The following MRPL13 variants were observed in gnomAD, a reference collection of about 807,000 sequenced individuals.
MRPL13 encodes the protein mitochondrial ribosomal protein L13.
Under a neutral mutation model 29.0 loss-of-function variants are expected in MRPL13, and 33 were observed. The ratio of observed to expected loss-of-function variants is 1.14; its 90% CI spans 0.86 to 1.52. The LOEUF (loss-of-function observed/expected upper bound fraction) is 1.52. MRPL13 is among the 40% of genes most tolerant of loss of function. The pLI is 0.00. For missense variants in MRPL13, 227 were observed against 216.7 expected (o/e 1.05, Z -0.30); for synonymous variants, 77 against 68.4 (o/e 1.13, Z -0.62).
At chr8:120,443,451 T>C in intron 1 of MRPL13, 143 bp from the exon 2 acceptor site, 3 of 862,114 alleles carry the variant, frequency 3.5e-6, no homozygotes, top group South Asian at 3.4e-5. Context: ...AATAACTCTA[T>C]TGCTAAAGAA....
intron 3 of MRPL13, among the ~76,000 whole-genome samples, chr8:120,425,686 C>G (rs1407093513): frequency 2.0e-5 from 3 of 152,046 alleles, no homozygotes; most frequent in African/African-American, 7.2e-5. Context: ...GAAATAGAAA[C>G]AAGCCAGACT....
intron 6 of MRPL13, among the ~76,000 whole-genome samples, chr8:120,399,665 G>C (rs939261951): frequency 4.5e-4 from 68 of 152,154 alleles, no homozygotes; most frequent in African/African-American, 1.6e-3. Flanking sequence ...ATGTAAATAG[G>C]CTAAATGACC....
At chr8:120,417,974 A>T (rs1812823917) in intron 5 of MRPL13, among the ~76,000 whole-genome samples, 1 of 152,154 alleles carries the variant, frequency 6.6e-6, no homozygotes, top group African/African-American at 2.4e-5. Flanking sequence ...CATAAAAAAT[A>T]AATTTAAAGA....
chr8:120,420,705 A>G (rs1812863069), intron 4 of MRPL13, among the ~76,000 whole-genome samples: 2 of 151,684 alleles, frequency 1.3e-5, no homozygotes, highest in Non-Finnish European at 2.9e-5. Flanking sequence ...CAATGTTTTA[A>G]AAGTTGTAAA....
intron 2 of MRPL13, among the ~76,000 whole-genome samples, chr8:120,434,475 A>C (rs747016656): frequency 7.9e-5 from 12 of 152,130 alleles, no homozygotes; most frequent in Non-Finnish European, 1.8e-4. Flanking sequence ...TATGGCTAAT[A>C]AGTGGTAAAG....
At chr8:120,403,590 T>C (rs1812629636) in intron 6 of MRPL13, among the ~76,000 whole-genome samples, 1 of 152,102 alleles carries the variant, frequency 6.6e-6, no homozygotes, top group Non-Finnish European at 1.5e-5. Flanking sequence ...TTTACCTGTG[T>C]AACAAACCTG....
chr8:120,402,701 G>C (rs561719915), intron 6 of MRPL13, among the ~76,000 whole-genome samples: 29 of 152,164 alleles, frequency 1.9e-4, no homozygotes, highest in Non-Finnish European at 3.7e-4. Flanking sequence ...TAGCATCAGA[G>C]TCAACAGGCA....
At chr8:120,444,969 T>C in intron 1 of MRPL13, 99 bp downstream of exon 1, 1 of 1,552,148 alleles carries the variant, frequency 6.4e-7, no homozygotes, top group Non-Finnish European at 8.9e-7. Context: ...GGGTCTCGGC[T>C]TCCCTGCCGC....
At chr8:120,428,670 C>T (rs1226767200) in intron 3 of MRPL13, among the ~76,000 whole-genome samples, 1 of 152,050 alleles carries the variant, frequency 6.6e-6, no homozygotes, top group Admixed American at 6.6e-5. Context: ...AAAAAGTGGG[C>T]AAAGGACAGG....
At chr8:120,428,656 C>T (rs1224118425) in intron 3 of MRPL13, among the ~76,000 whole-genome samples, 2 of 151,966 alleles carry the variant, frequency 1.3e-5, no homozygotes, top group Non-Finnish European at 2.9e-5. Flanking sequence ...AAACAAACCC[C>T]ATTAAAAAGT....
intron 6 of MRPL13, among the ~76,000 whole-genome samples, chr8:120,405,669 T>C (rs1812657919): frequency 6.6e-6 from 1 of 152,328 alleles, no homozygotes; most frequent in Admixed American, 6.5e-5. Context: ...GTATCTTTCC[T>C]GGTTCTTTTC....
intron 2 of MRPL13, among the ~76,000 whole-genome samples, chr8:120,435,870 A>T (rs1045812742): frequency 3.3e-5 from 5 of 152,098 alleles, no homozygotes; most frequent in Non-Finnish European, 7.4e-5. Flanking sequence ...ACACTTCTCT[A>T]ATCATTAGCG....
intron 4 of MRPL13, among the ~76,000 whole-genome samples, chr8:120,421,738 A>G (rs1586923187): frequency 6.6e-6 from 1 of 151,924 alleles, no homozygotes; most frequent in African/African-American, 2.4e-5. Context: ...TATTGCTCAT[A>G]AACAATAATT....
intron 3 of MRPL13, among the ~76,000 whole-genome samples, chr8:120,430,928 T>C (rs531783752): frequency 6.6e-6 from 1 of 152,356 alleles, no homozygotes; most frequent in Non-Finnish European, 1.5e-5. Context: ...TTTTATCACA[T>C]TATGTTATTC....
rs574462141 is a variant in MRPL13 at position 120,439,486 on chromosome 8, G to A, written c.151+3699C>T. Among the ~76,000 whole-genome samples, 21 of 152,286 alleles carry A rather than the reference G, an allele frequency of 1.4e-4. No individual in the cohort carries two copies. In the South Asian group the frequency reaches 4.4e-3, roughly 32 times the overall value. On this transcript the variant is annotated intron_variant, in intron 2 of 6. Transcript: ENST00000306185. ...GTATTGATTGGTTGATGAAAATGCT[G>A]TGACCAGAGGTTCAGAGGAACCTAA...
chr8:120,441,003 A>ATGTG lies in MRPL13; in HGVS notation c.151+2178_151+2181dup, dbSNP rs575565862. Among the ~76,000 whole-genome samples the ATGTG allele has an allele frequency of 5.1e-3, 761 of 150,162 alleles. 10 individuals are homozygous for ATGTG. The highest frequency in any genetic ancestry group is 0.017 in the African/African-American group (716 of 41,066). On this transcript the variant is annotated intron_variant, in intron 2 of 6. Transcript: ENST00000306185. The stretch of plus-strand genomic sequence containing the variant: ...ACTTTTTTCTAATATATTTTTAAAT[A>ATGTG]TGTGTGTGTGTGTGTGTGAGTGTAT...
At chr8:120,415,733 C>G (rs1051620205) in intron 5 of MRPL13, 8 of 152,078 alleles carry the variant, frequency 5.3e-5, no homozygotes, top group African/African-American at 1.9e-4. Flanking sequence ...TCAGTATATT[C>G]AAATCTGCAC....
intron 4 of MRPL13, among the ~76,000 whole-genome samples, chr8:120,423,298 A>G (rs893467492): frequency 6.6e-6 from 1 of 151,958 alleles, no homozygotes; most frequent in Admixed American, 6.6e-5. Context: ...ATCAAATGCA[A>G]CTGTCTACTC....
chr8:120,400,919 C>T (rs1812588235), intron 6 of MRPL13, among the ~76,000 whole-genome samples: 1 of 151,784 alleles, frequency 6.6e-6, no homozygotes, highest in Admixed American at 6.6e-5. Flanking sequence ...TGGATAAATT[C>T]CTAGATACAA....
Sources: allele counts gnomAD v4.1 joint callset (sites outside exome capture counted in the v4.1 genomes callset), GRCh38; gene constraint gnomAD v4.1.1; transcripts MANE v1.5; gene names NCBI Gene and HGNC (gene_info 2026-07-23, HGNC 2026-07-21).